The following KLHL32 variants were observed in gnomAD, a reference collection of about 807,000 sequenced individuals.
The protein encoded by KLHL32 is kelch-like protein 32.
KLHL32 carries 35 observed loss-of-function variants against 64.8 expected under a neutral mutation model. That is an observed-to-expected ratio of 0.54 (90% CI 0.41 to 0.72). The LOEUF (loss-of-function observed/expected upper bound fraction) is 0.72. KLHL32 is among the 30% of genes least tolerant of loss of function. The pLI, the probability that KLHL32 is intolerant of heterozygous loss-of-function variation, is 0.00. For missense variants in KLHL32, 589 were observed against 768.5 expected, an observed-to-expected ratio of 0.77 and a Z score of 2.76; for synonymous variants, 259 against 281.0, an observed-to-expected ratio of 0.92 and a Z score of 0.78.
intron 6 of KLHL32, among the ~76,000 whole-genome samples, chr6:97,092,625 T>G (rs1286705949): frequency 6.6e-6 from 1 of 152,186 alleles, no homozygotes; most frequent in Non-Finnish European, 1.5e-5. Context: ...GAGGGGCCCC[T>G]AGCTGGACAC....
intron 1 of KLHL32, among the ~76,000 whole-genome samples, chr6:96,935,773 T>G (rs1422626697): frequency 2.6e-5 from 4 of 152,134 alleles, no homozygotes; most frequent in Admixed American, 2.6e-4. Flanking sequence ...ATATGTAAAT[T>G]TAGAATTAAA....
chr6:96,989,712 T>TCC (rs148363033), intron 3 of KLHL32, among the ~76,000 whole-genome samples: 4 of 152,094 alleles, frequency 2.6e-5, no homozygotes, highest in Non-Finnish European at 5.9e-5. Context: ...TTGCTTTTTC[T>TCC]CCCCCCCTCT....
At chr6:96,984,224 A>G (rs887971921) in intron 3 of KLHL32, among the ~76,000 whole-genome samples, 1 of 152,156 alleles carries the variant, frequency 6.6e-6, no homozygotes, top group Non-Finnish European at 1.5e-5. Context: ...TTCTAGTTTG[A>G]TTGCACTGTG....
chr6:96,980,485 C>T (rs1776183478), intron 3 of KLHL32, among the ~76,000 whole-genome samples: 1 of 151,974 alleles, frequency 6.6e-6, no homozygotes, highest in African/African-American at 2.4e-5. Context: ...ATATAGTGAA[C>T]CAACCTTATA....
At chr6:96,945,602 A>T (rs975303322) in intron 1 of KLHL32, among the ~76,000 whole-genome samples, 3 of 152,194 alleles carry the variant, frequency 2.0e-5, no homozygotes, top group Non-Finnish European at 4.4e-5. Context: ...AGGAAAAAAA[A>T]TTTTAAGCAT....
chr6:96,951,048 T>G (rs1334140497), intron 1 of KLHL32, among the ~76,000 whole-genome samples: 1 of 152,182 alleles, frequency 6.6e-6, no homozygotes, highest in African/African-American at 2.4e-5. Context: ...GTTTTGTAAG[T>G]TAGGTTAGAA....
chr6:96,964,477 C>T (rs1774219073), intron 1 of KLHL32, among the ~76,000 whole-genome samples: 1 of 152,140 alleles, frequency 6.6e-6, no homozygotes, highest in African/African-American at 2.4e-5. Context: ...CACGGTGAAA[C>T]CCCGTCTCTA....
Position 97,114,250 on chromosome 6 carries a change from G to C in KLHL32, c.1095G>C (p.Val365=), listed in dbSNP as rs754523122. Residue 365 remains valine (V), a synonymous_variant, in exon 7 of 11, where the codon GTG becomes GTC. Transcript: ENST00000369261. ...ATGCCAGTGGCCGGACGTGTGCTGT[G>C]AGGACTGCCTGTCGCTATGACCCCC... is the stretch of plus-strand genomic sequence containing the variant. The part of the protein sequence containing the change: ...VEHASGRTCA[V]RTACRYDPRS... 1 of 1,614,038 alleles carries C rather than the reference G, an allele frequency of 6.2e-7. No individual in the cohort carries two copies. The highest frequency in any genetic ancestry group is 1.3e-5 in the African/African-American group (1 of 74,918).
intron 3 of KLHL32, among the ~76,000 whole-genome samples, chr6:96,981,471 A>G (rs1473249716): frequency 6.6e-6 from 1 of 151,660 alleles, no homozygotes; most frequent in South Asian, 2.1e-4. Context: ...TTTGCTGTCT[A>G]TTTATCTTAT....
intron 1 of KLHL32, among the ~76,000 whole-genome samples, chr6:96,927,048 T>G (rs1287618965): frequency 6.6e-6 from 1 of 152,236 alleles, no homozygotes; most frequent in Admixed American, 6.5e-5. Flanking sequence ...TGCTCTACCT[T>G]TGTTTTTCAA....
chr6:96,981,705 T>C (rs1776331483), intron 3 of KLHL32, among the ~76,000 whole-genome samples: 1 of 152,154 alleles, frequency 6.6e-6, no homozygotes, highest in Admixed American at 6.5e-5. Flanking sequence ...TAAACTCCTC[T>C]CTTAACACTG....
In KLHL32 at chr6:97,140,413, G is replaced by A. The variant is rs1349545806; in HGVS notation, c.*1131G>A. ...GTTATGTCAATCTTGAGTGCTTGTG[G>A]AATTCTTCACCACCAATACATATTT... On this transcript the variant is annotated 3_prime_UTR_variant, in exon 11 of 11. Coordinates refer to ENST00000369261, the MANE Select transcript of KLHL32 (RefSeq NM_052904.4). 1.3e-5 allele frequency: 2 copies of A among 151,966 alleles called. No homozygotes were observed. Among genetic ancestry groups the A allele is most frequent in the African/African-American group, 4.8e-5 (2 of 41,426 alleles). 9.4% of individuals were successfully genotyped at this position (151,966 alleles called of 1,614,324 possible).
chr6:97,064,924 G>A (rs1263747932), intron 5 of KLHL32, among the ~76,000 whole-genome samples, 198 bp downstream of exon 5: 1 of 152,144 alleles, frequency 6.6e-6, no homozygotes, highest in East Asian at 1.9e-4. Flanking sequence ...CACAGAAGCA[G>A]GAGTCTTCCT....
chr6:96,983,596 T>G (rs1776618559), intron 3 of KLHL32, among the ~76,000 whole-genome samples: 1 of 152,300 alleles, frequency 6.6e-6, no homozygotes, highest in South Asian at 2.1e-4. Flanking sequence ...AACTTCTTCC[T>G]GATTTAGTCT....
At chr6:96,937,589 C>T (rs2127996352) in intron 1 of KLHL32, among the ~76,000 whole-genome samples, 1 of 152,252 alleles carries the variant, frequency 6.6e-6, no homozygotes, top group Admixed American at 6.5e-5. Context: ...CACACGTTTT[C>T]TATTAATGAA....
At chr6:97,086,908 A>T (rs929465619) in intron 6 of KLHL32, among the ~76,000 whole-genome samples, 6 of 152,216 alleles carry the variant, frequency 3.9e-5, no homozygotes, top group Non-Finnish European at 5.9e-5. Context: ...TTTCTAACTG[A>T]ATTGACATCT....
rs116994257 is a variant in KLHL32, at chr6:97,011,399, C to T, written c.205-30093C>T. On this transcript the variant is annotated intron_variant, in intron 3 of 10. Transcript: ENST00000369261. ...TAATGGTTGGAATGAGACAAGTTTT[C>T]TAATAGTGATGACAATTATTAATTA... Among the ~76,000 whole-genome samples, 1,111 of 152,276 alleles carry T rather than the reference C, an allele frequency of 7.3e-3. 12 individuals carry two copies. Among genetic ancestry groups the T allele is most frequent in the Non-Finnish European group, 0.011 (748 of 68,026 alleles).
At position 97,054,563 on chromosome 6, in the gene KLHL32, T is replaced by A. The variant is rs1037632120; in HGVS notation, c.313-10065T>A. On this transcript the variant is annotated intron_variant, in intron 4 of 10. Coordinates refer to ENST00000369261, the MANE Select transcript of KLHL32 (RefSeq NM_052904.4). ...AACATAGAAAAATACCTGAGTATGTTTGATGCTTCAAAAGTTGCACTAATT... is the reference window on the plus strand; with the variant it reads ...AACATAGAAAAATACCTGAGTATGTATGATGCTTCAAAAGTTGCACTAATT... Among the ~76,000 whole-genome samples the A allele has an allele frequency of 2.0e-5, 3 of 152,206 alleles. No homozygotes were observed. In the East Asian group the frequency reaches 5.8e-4, roughly 29 times the overall value.
At chr6:97,136,658 C>T (rs1800051531) in intron 10 of KLHL32, among the ~76,000 whole-genome samples, 1 of 152,168 alleles carries the variant, frequency 6.6e-6, no homozygotes, top group African/African-American at 2.4e-5. Flanking sequence ...CTGTTATCTT[C>T]ATTTACTATT....
Sources: gnomAD v4.1 joint callset for allele counts (sites outside exome capture counted in the v4.1 genomes callset) on GRCh38, gnomAD v4.1.1 for gene constraint, MANE v1.5 for transcripts, NCBI Gene and HGNC (gene_info 2026-07-23, HGNC 2026-07-21) for gene names.